Variants in WWP2 observed in about 807,000 individuals in gnomAD.
WWP2 encodes WW domain containing E3 ubiquitin protein ligase 2, also known as NEDD4-like E3 ubiquitin-protein ligase WWP2.
In WWP2, 57 loss-of-function variants were observed where a neutral mutation model predicts 121.0. The observed-to-expected ratio is 0.47, with a 90% confidence interval of 0.38 to 0.59. WWP2 has a LOEUF of 0.59. Ranked by LOEUF, WWP2 falls within the 20% of genes least tolerant of loss-of-function variation. The pLI is 0.00. For missense variants in WWP2, 962 were observed against 1,158.9 expected (o/e 0.83, Z 2.47); for synonymous variants, 449 against 441.3 (o/e 1.02, Z -0.22).
chr16:69,862,326 A>G (rs928968180), intron 6 of WWP2, among the ~76,000 whole-genome samples: 5 of 152,034 alleles, frequency 3.3e-5, no homozygotes, highest in African/African-American at 1.2e-4. Flanking sequence ...CGGCCTCCCA[A>G]AGTGCTGGGA....
At chr16:69,803,939 G>A (rs989044896) in intron 4 of WWP2, among the ~76,000 whole-genome samples, 26 of 152,088 alleles carry the variant, frequency 1.7e-4, no homozygotes, top group Middle Eastern at 3.4e-3. Flanking sequence ...ATAAAGAATG[G>A]CAGAGCAGCC....
At chr16:69,786,530 A>G (rs1156562359) in intron 1 of WWP2, among the ~76,000 whole-genome samples, 2 of 141,444 alleles carry the variant, frequency 1.4e-5, no homozygotes, top group Non-Finnish European at 3.0e-5. Context: ...GGCTCACTGC[A>G]ACCTCCGCCT....
intron 4 of WWP2, among the ~76,000 whole-genome samples, chr16:69,825,136 C>T (rs902999245): frequency 1.2e-5 from 1 of 83,818 alleles, no homozygotes; most frequent in Non-Finnish European, 3.4e-5. Context: ...TCAAAGTGGG[C>T]GATACTGGCT....
At chr16:69,926,921 G>A (rs945161331) in intron 11 of WWP2, among the ~76,000 whole-genome samples, 1 of 152,144 alleles carries the variant, frequency 6.6e-6, no homozygotes, top group East Asian at 1.9e-4. Flanking sequence ...GTGTATTTCA[G>A]GCTCTGTAGA....
At chr16:69,805,748 C>CTATAGG (rs1306053331) in intron 4 of WWP2, among the ~76,000 whole-genome samples, 15 of 150,334 alleles carry the variant, frequency 1.0e-4, no homozygotes, top group African/African-American at 3.7e-4. Context: ...GTAGCTGGGA[C>CTATAGG]TATAGGTGTG....
rs573163790 is a variant in WWP2 at position 69,805,005 on chromosome 16, A to G, written c.340+5710A>G. Among the ~76,000 whole-genome samples, 4 of 149,566 alleles carry G rather than the reference A, an allele frequency of 2.7e-5. No individual in the cohort carries two copies. In the South Asian group the frequency reaches 6.3e-4, roughly 24 times the overall value. On this transcript the variant is annotated intron_variant, in intron 4 of 23. Transcript: ENST00000359154. ...CTGTCAGTTTACTGAGTCCTTTAGT[A>G]TAGGTTTGCAGTAGTTTCTTTTGAG...
chr16:69,785,219 G>T (rs1200631336), intron 1 of WWP2, among the ~76,000 whole-genome samples: 1 of 36,604 alleles, frequency 2.7e-5, no homozygotes, highest in African/African-American at 9.5e-5. Flanking sequence ...TTAGGTGTGT[G>T]AGACTGTCTC....
At chr16:69,802,432 C>T (rs1440641913) in intron 4 of WWP2, among the ~76,000 whole-genome samples, 2 of 152,168 alleles carry the variant, frequency 1.3e-5, no homozygotes, top group Non-Finnish European at 2.9e-5. Flanking sequence ...GCACCAGCAC[C>T]TGGCAGCTAC....
chr16:69,893,182 C>T (rs1798119202), intron 8 of WWP2, among the ~76,000 whole-genome samples: 1 of 152,220 alleles, frequency 6.6e-6, no homozygotes, highest in Admixed American at 6.5e-5. Context: ...CTGGGACTCC[C>T]TCCCGGATCC....
chr16:69,925,000 G>T, intron 10 of WWP2: 1 of 991,720 alleles, frequency 1.0e-6, no homozygotes, highest in African/African-American at 1.7e-5. Flanking sequence ...CCCCTCCTGC[G>T]TGTGGTTCTT....
rs768820992 is a variant in WWP2, at chr16:69,798,728, C to T, written c.117C>T (p.Asn39=). The T allele has an allele frequency of 6.2e-7, 1 of 1,614,126 alleles. No individual in the cohort carries two copies. The highest frequency in any genetic ancestry group is 2.2e-5 in the East Asian group (1 of 44,886). The change falls in exon 3 of 24, where the codon AAC becomes AAT. Residue 39 remains asparagine, a synonymous_variant. Transcript: ENST00000359154. ...PKVHNRQPRI[N]SYVEVAVDGL... ...TGCATAATCGTCAACCTCGAATTAACTCCTACGTGGAGGTGGCGGTGGATG... is the reference window on the plus strand; with the variant it reads ...TGCATAATCGTCAACCTCGAATTAATTCCTACGTGGAGGTGGCGGTGGATG...
At chr16:69,923,420 A>AT (rs34887959) in intron 10 of WWP2, among the ~76,000 whole-genome samples, 93,165 of 151,740 alleles carry the variant, frequency 0.61, 29,301 homozygotes, top group East Asian at 0.91. Flanking sequence ...GAAGGCTGAG[A>AT]TTTTTTTTAA....
chr16:69,924,697 A>ACCCCCCACC (rs1351563667), intron 10 of WWP2, among the ~76,000 whole-genome samples: 1 of 64,378 alleles, frequency 1.6e-5, no homozygotes, highest in Non-Finnish European at 3.5e-5. Context: ...CAGCCCCAAC[A>ACCCCCCACC]CCCCCCACCC....
At chr16:69,794,994 C>T (rs146749657) in intron 2 of WWP2, among the ~76,000 whole-genome samples, 14 of 152,060 alleles carry the variant, frequency 9.2e-5, no homozygotes, top group Non-Finnish European at 1.8e-4. Flanking sequence ...GCGGGTAGAT[C>T]GCTTGAGTCC....
At chr16:69,899,547 T>G (rs1320529058) in intron 8 of WWP2, among the ~76,000 whole-genome samples, 1 of 151,962 alleles carries the variant, frequency 6.6e-6, no homozygotes, top group Non-Finnish European at 1.5e-5. Context: ...CTAGCCAAGA[T>G]GGTGAAACCC....
chr16:69,796,262 A>C (rs145994951), intron 2 of WWP2, among the ~76,000 whole-genome samples: 10 of 152,288 alleles, frequency 6.6e-5, no homozygotes, highest in African/African-American at 2.4e-4. Context: ...ATGAGCGCAG[A>C]TACTTCTCAA....
rs947556761 is a variant in WWP2 at position 69,937,729 on chromosome 16, G to A, written c.2343+77G>A. Reference sequence around the variant, plus strand: ...GAAACGGGTCCTGAGGAGGCCTCACGCGCAAGGACCTTCAGCTTTGGCCCT... The same window carrying A: ...GAAACGGGTCCTGAGGAGGCCTCACACGCAAGGACCTTCAGCTTTGGCCCT... On this transcript the variant is annotated intron_variant, in intron 21 of 23. Transcript: ENST00000359154. This position sits in a 1 kb window ranked among gnomAD's most constrained non-coding sequence, Gnocchi z 6.6. The A allele has an allele frequency of 7.1e-6, 10 of 1,414,810 alleles. No homozygotes were observed. The highest frequency in any genetic ancestry group is 3.6e-5 in the South Asian group (3 of 84,148). 87.6% of individuals were successfully genotyped at this position (1,414,810 alleles called of 1,614,324 possible).
chr16:69,932,284 C>T (rs1312923329), intron 16 of WWP2, among the ~76,000 whole-genome samples: 5 of 152,244 alleles, frequency 3.3e-5, no homozygotes, highest in Admixed American at 6.5e-5. Context: ...GAGCCGAGAT[C>T]GTGCCATTGC....
intron 4 of WWP2, among the ~76,000 whole-genome samples, chr16:69,827,197 G>A (rs1382460581): frequency 1.3e-5 from 2 of 149,272 alleles, no homozygotes; most frequent in African/African-American, 4.9e-5. Context: ...ATTGAACAAA[G>A]AAAATCTTTG....
Sources: gnomAD v4.1 joint callset for allele counts (sites outside exome capture counted in the v4.1 genomes callset) on GRCh38, gnomAD v4.1.1 for gene constraint, Gnocchi (gnomAD v3.1) non-coding constraint, MANE v1.5 for transcripts, NCBI Gene and HGNC (gene_info 2026-07-23, HGNC 2026-07-21) for gene names.